Variants in ELOA observed in about 807,000 individuals in gnomAD.
The protein encoded by ELOA is elongin-A.
Under a neutral mutation model 85.2 loss-of-function variants are expected in ELOA, and 15 were observed. The observed-to-expected ratio is 0.18, with a 90% confidence interval of 0.12 to 0.27. The LOEUF (loss-of-function observed/expected upper bound fraction) is 0.27, where lower values mean the gene tolerates loss of function less well. Ranked by LOEUF, ELOA falls within the 10% of genes least tolerant of loss-of-function variation. The probability of loss-of-function intolerance (pLI) is 1.00; values close to 1 mark genes in which losing one functional copy is unlikely to be tolerated. For synonymous variants in ELOA, 348 were observed against 357.2 expected (o/e 0.97, Z 0.29); for missense variants, 769 against 952.7 (o/e 0.81, Z 2.54).
intron 1 of ELOA, among the ~76,000 whole-genome samples, chr1:23,747,269 T>G (rs936558601): frequency 1.3e-5 from 2 of 152,264 alleles, no homozygotes; most frequent in African/African-American, 4.8e-5. Context: ...CCGCTCTATT[T>G]TCATTTCCTA....
At chr1:23,748,922 A>G (rs947508925) in intron 1 of ELOA, 99 bp from the exon 2 acceptor site, 1 of 894,412 alleles carries the variant, frequency 1.1e-6, no homozygotes, top group Non-Finnish European at 1.8e-6. Context: ...CATAATACTT[A>G]TACTCATTAC....
chr1:23,757,213 G>A (rs1370456291), intron 10 of ELOA, 88 bp downstream of exon 10: 5 of 1,401,538 alleles, frequency 3.6e-6, no homozygotes, highest in Non-Finnish European at 4.8e-6. Flanking sequence ...ACATTTTGTG[G>A]ACTGCATGTT....
rs1644773157 is a variant in ELOA at position 23,751,914 on chromosome 1, A to T, written c.1309A>T (p.Lys437Ter). ...SATALGDKGL[K>*]KNDSKSTGKN... ...CACGGCACTTGGAGATAAAGGACTT[A>T]AAAAAAATGACTCTAAAAGCACTGG... The change falls in exon 4 of 11, where the codon AAA becomes TAA. Residue 437 changes from lysine (K) to a stop codon, truncating the protein, a stop_gained. Coordinates refer to ENST00000613537, the MANE Select transcript of ELOA (RefSeq NM_003198.3). LOFTEE classifies it high-confidence loss of function. 1 of 1,613,222 alleles carries T rather than the reference A, an allele frequency of 6.2e-7. No individual in the cohort carries two copies. The highest frequency in any genetic ancestry group is 8.5e-7 in the Non-Finnish European group (1 of 1,179,802).
chr1:23,755,226 G>A (rs1369666403), intron 7 of ELOA, among the ~76,000 whole-genome samples: 2 of 152,088 alleles, frequency 1.3e-5, no homozygotes, highest in East Asian at 1.9e-4. Context: ...ACAGTTCAGC[G>A]TAGTGTTGGG....
At chr1:23,756,415 T>C in intron 9 of ELOA, 30 bp downstream of exon 9, 1 of 1,541,814 alleles carries the variant, frequency 6.5e-7, no homozygotes. Context: ...CTGGCTTTTG[T>C]GTGCTATCAA....
In ELOA at chr1:23,757,133, A is replaced by G. The variant is rs1445306126; in HGVS notation, c.2257+8A>G. 4.6e-6 allele frequency: 7 copies of G among 1,531,394 alleles called. No homozygotes were observed. The highest frequency in any genetic ancestry group is 2.4e-5 in the East Asian group (1 of 42,146). The allele number at this position is 1,531,394 out of a possible 1,614,324, so 94.9% of individuals were successfully genotyped here. ...GGAAACCCACTGTGAAGAGTAAGTA[A>G]CTTGGAGTTCCTGCTCAAATATTAT... On this transcript the variant is annotated splice_region_variant and intron_variant, in intron 10 of 10. Coordinates refer to ENST00000613537, the MANE Select transcript of ELOA (RefSeq NM_003198.3).
In ELOA at chr1:23,752,410, C is replaced by A. The variant is rs776729655; in HGVS notation, c.1429C>A (p.Pro477Thr). The A allele has an allele frequency of 6.2e-7, 1 of 1,613,930 alleles. No individual in the cohort carries two copies. Among genetic ancestry groups the A allele is most frequent in the Non-Finnish European group, 8.5e-7 (1 of 1,179,918 alleles). The change falls in exon 5 of 11, where the codon CCT becomes ACT. Residue 477 changes from proline (P) to threonine (T), a missense_variant. Physicochemically the swap from Pro to Thr is conservative, Grantham distance 38. Transcript: ENST00000613537. ...GADLAKLRKV[P>T]DVLPVLPDLP... ...CCCATGGGTCTGTCCCCTGCAGGTG[C>A]CTGATGTGTTGCCAGTGTTGCCAGA...
At chr1:23,746,835 G>A (rs148783117) in intron 1 of ELOA, among the ~76,000 whole-genome samples, 2,087 of 152,248 alleles carry the variant, frequency 0.014, 49 homozygotes, top group African/African-American at 0.048. Context: ...TTGGTATCTT[G>A]TTTGATAACA....
intron 7 of ELOA, among the ~76,000 whole-genome samples, chr1:23,755,167 G>A (rs903697834): frequency 2.0e-5 from 3 of 152,010 alleles, no homozygotes; most frequent in African/African-American, 7.3e-5. Flanking sequence ...ATGAGCCAAC[G>A]CGCCTGGCCA....
intron 1 of ELOA, among the ~76,000 whole-genome samples, chr1:23,748,014 C>T (rs773854161): frequency 3.3e-5 from 5 of 152,286 alleles, no homozygotes; most frequent in African/African-American, 4.8e-5. Flanking sequence ...TTTAGATACA[C>T]GTAGACATTT....
At position 23,754,091 on chromosome 1, in the gene ELOA, G is replaced by T. The variant is rs1383991863; in HGVS notation, c.1538-9G>T. ...ACTTAGGGCCTTTTGTGTTTTTCTT[G>T]CCCTATAGCGTTCTCTTCACCCCAG... On this transcript the variant is annotated splice_polypyrimidine_tract_variant and intron_variant, in intron 5 of 10. Transcript: ENST00000613537. 6 of 1,613,566 alleles carry T rather than the reference G, an allele frequency of 3.7e-6. No homozygotes were observed. The highest frequency in any genetic ancestry group is 3.3e-5 in the South Asian group (3 of 91,032).
chr1:23,748,193 T>G (rs1359862223), intron 1 of ELOA, among the ~76,000 whole-genome samples: 1 of 152,228 alleles, frequency 6.6e-6, no homozygotes, highest in Admixed American at 6.5e-5. Flanking sequence ...GACTAAGGAC[T>G]GCACATGGTT....
rs1644797441 is a variant in ELOA, at chr1:23,757,058, C to T, written c.2190C>T (p.Ser730=). 6.2e-7 allele frequency: 1 copy of T among 1,611,070 alleles called. No homozygotes were observed. The highest frequency in any genetic ancestry group is 1.3e-5 in the African/African-American group (1 of 74,880). Reference sequence around the variant, plus strand: ...CGGCCTATGATGGCCCAAGCACCAGCAGTGCCCACTTGGCACCAGTGGTCA... The same window carrying T: ...CGGCCTATGATGGCCCAAGCACCAGTAGTGCCCACTTGGCACCAGTGGTCA... The part of the protein sequence containing the change: ...EEPAYDGPST[S]SAHLAPVVSS... Residue 730 remains serine (S), a synonymous_variant, in exon 10 of 11, where the codon AGC becomes AGT. Transcript: ENST00000613537.
At chr1:23,757,292 A>G (rs2148388553) in intron 10 of ELOA, among the ~76,000 whole-genome samples, 167 bp downstream of exon 10, 1 of 152,248 alleles carries the variant, frequency 6.6e-6, no homozygotes, top group East Asian at 1.9e-4. Flanking sequence ...CTTTGTCCAT[A>G]GTGCATTATA....
At position 23,755,911 on chromosome 1, in the gene ELOA, C is replaced by T. The variant is rs35273670; in HGVS notation, c.1860C>T (p.Pro620=). 11,890 of 1,613,442 alleles carry T rather than the reference C, an allele frequency of 7.4e-3. 64 individuals carry two copies. The highest frequency in any genetic ancestry group is 8.2e-3 in the Non-Finnish European group (9,727 of 1,179,872). The change falls in exon 8 of 11, where the codon CCC becomes CCT. Residue 620 remains proline (P), a synonymous_variant. Coordinates refer to ENST00000613537, the MANE Select transcript of ELOA (RefSeq NM_003198.3). The part of the protein sequence containing the change: ...HCHRDFKEER[P]EEYESWREMY... ...ACCGAGACTTTAAGGAAGAAAGACC[C>T]GAAGAGTATGAGTCGTGGCGAGAGA... is the stretch of plus-strand genomic sequence containing the variant.
rs1252331790 is a variant in ELOA, at chr1:23,758,247, ATTTATTTATTTATT to A, written c.2257+1126_2257+1139del. Among the ~76,000 whole-genome samples, 58 of 56,772 alleles carry A rather than the reference ATTTATTTATTTATT, an allele frequency of 1.0e-3. 2 individuals carry two copies. The highest frequency in any genetic ancestry group is 3.1e-3 in the African/African-American group (52 of 16,874). The allele number at this position is 56,772 out of a possible 152,430, so 37.2% of individuals were successfully genotyped here. On this transcript the variant is annotated intron_variant, in intron 10 of 10. Transcript: ENST00000613537. ...TCTTTATATCTAATTGGGTCTTCCA[ATTTATTTATTTATT>A]TTTTTTTTTTTTTTTTTTTTTTTTT...
chr1:23,756,498 C>T lies in ELOA; in HGVS notation c.2084+113C>T, dbSNP rs1455357794. On this transcript the variant is annotated intron_variant, in intron 9 of 10. Transcript: ENST00000613537. The stretch of plus-strand genomic sequence containing the variant: ...AGTGAGGCAGTGCAGACTGTGGGCT[C>T]TGGAGGCAGACCTCATCAGCTCAGC... 17 of 902,000 alleles carry T rather than the reference C, an allele frequency of 1.9e-5. No individual in the cohort carries two copies. The African/African-American group carries it at 2.9e-4, about 15-fold the overall frequency. The allele number at this position is 902,000 out of a possible 1,614,324, so 55.9% of individuals were successfully genotyped here.
rs780220676 is a variant in ELOA, at chr1:23,745,512, A to ATTT, written c.75+1947_75+1949dup. On this transcript the variant is annotated intron_variant, in intron 1 of 10. Transcript: ENST00000613537. ...CCTCAACCTAGTTGAACTATTAATG[A>ATTT]TTTTTTTTTTTTTTTGAGGATTTGG... Among the ~76,000 whole-genome samples the ATTT allele has an allele frequency of 8.1e-4, 116 of 142,990 alleles. 1 individual carries two copies. The highest frequency in any genetic ancestry group is 2.8e-3 in the African/African-American group (109 of 39,336). 93.8% of individuals were successfully genotyped at this position (142,990 alleles called of 152,430 possible).
chr1:23,745,886 T>C (rs1644743670), intron 1 of ELOA, among the ~76,000 whole-genome samples: 1 of 152,150 alleles, frequency 6.6e-6, no homozygotes, highest in Non-Finnish European at 1.5e-5. Flanking sequence ...TGTAACTCTG[T>C]TTTCACTTTT....
Sources: gnomAD v4.1 joint callset for allele counts (sites outside exome capture counted in the v4.1 genomes callset) on GRCh38, gnomAD v4.1.1 for gene constraint, MANE v1.5 for transcripts, NCBI Gene and HGNC (gene_info 2026-07-23, HGNC 2026-07-21) for gene names.